CFLAR: variants seen among roughly 807,000 people sequenced by gnomAD.
The protein encoded by CFLAR is CASP8 and FADD like apoptosis regulator.
In CFLAR, 14 loss-of-function variants were observed where a neutral mutation model predicts 51.1. The ratio of observed to expected loss-of-function variants is 0.27; its 90% CI spans 0.18 to 0.43. CFLAR has a LOEUF of 0.43. Ranked by LOEUF, CFLAR falls within the 20% of genes least tolerant of loss-of-function variation. CFLAR has a pLI of 1.00. For synonymous variants in CFLAR, 210 were observed against 211.6 expected (o/e 0.99, Z 0.06); for missense variants, 390 against 566.5 (o/e 0.69, Z 3.16).
rs561854022 is a variant in CFLAR at position 201,136,158 on chromosome 2, G to A, written c.523+51G>A. On this transcript the variant is annotated intron_variant, in intron 4 of 9. Transcript: ENST00000309955. Reference sequence around the variant, plus strand: ...CTAGGGGAAGTACTCTGTGCATGGGGGTGGGCATCATGACTGATAAATATT... The same window carrying A: ...CTAGGGGAAGTACTCTGTGCATGGGAGTGGGCATCATGACTGATAAATATT... The A allele has an allele frequency of 8.5e-5, 137 of 1,612,706 alleles. 1 individual carries two copies. In the South Asian group the frequency reaches 1.4e-3, roughly 16 times the overall value.
At chr2:201,159,384 A>T (rs188199038) in intron 8 of CFLAR, among the ~76,000 whole-genome samples, 6 of 151,978 alleles carry the variant, frequency 3.9e-5, no homozygotes, top group Admixed American at 3.3e-4. Flanking sequence ...ATGTTGGCTC[A>T]CTGCAACCTC....
chr2:201,135,875 C>T, intron 3 of CFLAR, 97 bp from the exon 4 acceptor site: 2 of 1,509,242 alleles, frequency 1.3e-6, no homozygotes, highest in East Asian at 4.5e-5. Context: ...AGTCTTCCTG[C>T]CTCAGCCTCC....
chr2:201,158,462 C>A (rs1243299158), intron 8 of CFLAR, among the ~76,000 whole-genome samples: 8 of 152,206 alleles, frequency 5.3e-5, no homozygotes. Flanking sequence ...GGGAAGTGAA[C>A]CAATCTTGAG....
At position 201,169,874 on chromosome 2, in the gene CFLAR, T is replaced by A. The variant is rs915769392; in HGVS notation, c.*5901T>A. 6.6e-6 allele frequency: 1 copy of A among 152,110 alleles called. No individual in the cohort carries two copies. Among genetic ancestry groups the A allele is most frequent in the Non-Finnish European group, 1.5e-5 (1 of 68,020 alleles). 9.4% of individuals were successfully genotyped at this position (152,110 alleles called of 1,614,324 possible). ...AAAAAAGCTCAACCTTACTGATCAT[T>A]AGAGAAATGCAAAGGAGAACCACAA... On this transcript the variant is annotated 3_prime_UTR_variant, in exon 10 of 10. Transcript: ENST00000309955.
chr2:201,137,582 C>T lies in CFLAR; in HGVS notation c.523+1475C>T, dbSNP rs375297690. ...CACCGTCGATCTGGGCTGACATGGT[C>T]TGCTTCTCAAACTTGAGCTCCCCTG... On this transcript the variant is annotated intron_variant, in intron 4 of 9. Coordinates refer to ENST00000309955, the MANE Select transcript of CFLAR (RefSeq NM_003879.7). The T allele has an allele frequency of 2.0e-4, 150 of 737,632 alleles. No homozygotes were observed. The African/African-American group carries it at 2.3e-3, about 11-fold the overall frequency. The allele number at this position is 737,632 out of a possible 1,614,324, so 45.7% of individuals were successfully genotyped here.
intron 8 of CFLAR, chr2:201,154,638 C>G (rs967610391): frequency 1.3e-5 from 2 of 152,234 alleles, no homozygotes; most frequent in African/African-American, 2.4e-5. Context: ...AAGGAATAAG[C>G]TCTCCCAGTG....
Position 201,138,840 on chromosome 2 carries a change from A to G in CFLAR, c.524-1517A>G. On this transcript the variant is annotated intron_variant, in intron 4 of 9. Coordinates refer to ENST00000309955, the MANE Select transcript of CFLAR (RefSeq NM_003879.7). This position sits in a 1 kb window ranked among gnomAD's most constrained non-coding sequence, Gnocchi z 4.0. ...CACGATGGCCAGGTCGGCCTCTGTC[A>G]CAGTGTCCATGGGGGAGGAGATCAG... 1.4e-6 allele frequency: 1 copy of G among 736,086 alleles called. No homozygotes were observed. The allele number at this position is 736,086 out of a possible 1,614,324, so 45.6% of individuals were successfully genotyped here. A position where few individuals can be genotyped will look rare whatever the true frequency, so the allele number is the denominator to read the frequency against.
rs1942847424 is a variant in CFLAR at position 201,160,287 on chromosome 2, C to G, written c.794-145C>G. 1.5e-5 allele frequency: 13 copies of G among 857,462 alleles called. No homozygotes were observed. The South Asian group carries it at 1.8e-4, about 12-fold the overall frequency. 53.1% of individuals were successfully genotyped at this position (857,462 alleles called of 1,614,324 possible). On this transcript the variant is annotated intron_variant, in intron 8 of 9. Transcript: ENST00000309955. ...TTCATGTGGTTCTTGTTCCAACTGC[C>G]CAGGACTCAGGCACATCAAAATATG... is the stretch of plus-strand genomic sequence containing the variant.
At chr2:201,133,005 T>C in intron 2 of CFLAR, 24 bp from the exon 3 acceptor site, 1 of 1,604,550 alleles carries the variant, frequency 6.2e-7, no homozygotes, top group South Asian at 1.1e-5. Flanking sequence ...CTGAATTAAC[T>C]AAATGAACTT....
At position 201,116,863 on chromosome 2, in the gene CFLAR, G is replaced by A. The variant is rs1297365831; in HGVS notation, c.-138+382G>A. ...ACAGCGGTACAAGCTGCACCCCGATGGACCTGAGAGACCGGAAGTAACCCT... is the reference window on the plus strand; with the variant it reads ...ACAGCGGTACAAGCTGCACCCCGATAGACCTGAGAGACCGGAAGTAACCCT... On this transcript the variant is annotated intron_variant, in intron 1 of 9. Transcript: ENST00000309955. The surrounding 1 kb of genome is among the most constrained non-coding windows in gnomAD (Gnocchi z 4.8). 6.6e-6 allele frequency: 1 copy of A among 152,284 alleles called. No individual in the cohort carries two copies. The highest frequency in any genetic ancestry group is 1.5e-5 in the Non-Finnish European group (1 of 68,088). The allele number at this position is 152,284 out of a possible 1,614,324, so 9.4% of individuals were successfully genotyped here.
At chr2:201,136,337 A>C (rs2050115731) in intron 4 of CFLAR, 1 of 1,598,604 alleles carries the variant, frequency 6.3e-7, no homozygotes, top group Non-Finnish European at 8.5e-7. Context: ...GCTGCCAAGC[A>C]GTTCTTAACA....
intron 1 of CFLAR, among the ~76,000 whole-genome samples, chr2:201,119,814 A>G (rs567960065): frequency 6.6e-6 from 1 of 151,728 alleles, no homozygotes; most frequent in African/African-American, 2.4e-5. Context: ...CATTCCGTAG[A>G]GATAACCAAA....
intron 9 of CFLAR, among the ~76,000 whole-genome samples, chr2:201,161,420 A>AT (rs551168092): frequency 0.078 from 11,289 of 145,570 alleles, 631 homozygotes; most frequent in African/African-American, 0.16. Flanking sequence ...ATTTTTATTT[A>AT]TTTTTTTTTT....
At position 201,116,711 on chromosome 2, in the gene CFLAR, C is replaced by T. The variant is rs1159163817; in HGVS notation, c.-138+230C>T. The T allele has an allele frequency of 6.6e-6, 1 of 152,364 alleles. No homozygotes were observed. The highest frequency in any genetic ancestry group is 1.5e-5 in the Non-Finnish European group (1 of 68,146). The allele number at this position is 152,364 out of a possible 1,614,324, so 9.4% of individuals were successfully genotyped here. A position where few individuals can be genotyped will look rare whatever the true frequency, so the allele number is the denominator to read the frequency against. ...GAACCTGACTCAGTTTTGTAGGTTC[C>T]TTATCTCGGTTGTTTACCGCGGGCT... On this transcript the variant is annotated intron_variant, in intron 1 of 9. Coordinates refer to ENST00000309955, the MANE Select transcript of CFLAR (RefSeq NM_003879.7). This position sits in a 1 kb window ranked among gnomAD's most constrained non-coding sequence, Gnocchi z 4.8.
intron 1 of CFLAR, chr2:201,122,692 G>C (rs2048306308): frequency 6.6e-6 from 1 of 152,222 alleles, no homozygotes; most frequent in Non-Finnish European, 1.5e-5. Flanking sequence ...GACTTGATTT[G>C]GGGATCAAGA....
rs966295775 is a variant in CFLAR at position 201,149,808 on chromosome 2, A to G, written c.766A>G (p.Ile256Val). The change falls in exon 8 of 10, where the codon ATA (isoleucine) becomes GTA (valine). Residue 256 changes from isoleucine to valine, a missense_variant. By Grantham distance (29) the Ile-to-Val change is conservative. Around this residue, in one of 2 missense-constraint regions of CFLAR, gnomAD observed 287 missense variants for 363.6 expected, o/e 0.79. Coordinates refer to ENST00000309955, the MANE Select transcript of CFLAR (RefSeq NM_003879.7). ...MKSKPLGICLIIDCIGNETEL... is the reference protein window; with the variant it reads ...MKSKPLGICLVIDCIGNETEL... ...GAGCAAGCCCCTAGGAATCTGCCTGATAATCGATTGCATTGGCAATGAGAC... is the reference window on the plus strand; with the variant it reads ...GAGCAAGCCCCTAGGAATCTGCCTGGTAATCGATTGCATTGGCAATGAGAC... 6.2e-7 allele frequency: 1 copy of G among 1,613,846 alleles called. No homozygotes were observed. Among genetic ancestry groups the G allele is most frequent in the Non-Finnish European group, 8.5e-7 (1 of 1,179,702 alleles).
intron 1 of CFLAR, among the ~76,000 whole-genome samples, chr2:201,120,799 G>T (rs1388081598): frequency 6.6e-6 from 1 of 151,760 alleles, no homozygotes; most frequent in Non-Finnish European, 1.5e-5. Context: ...TGTGTTTTTT[G>T]TTTGTTTTTA....
intron 8 of CFLAR, among the ~76,000 whole-genome samples, chr2:201,156,878 GTTTTT>G (rs1942265284): frequency 1.3e-5 from 2 of 152,094 alleles, no homozygotes; most frequent in African/African-American, 4.8e-5. Context: ...CAGCCCCCAA[GTTTTT>G]CTTCCTCTAT....
intron 6 of CFLAR, 190 bp downstream of exon 6, chr2:201,145,622 G>C (rs1046155690): frequency 3.6e-6 from 2 of 555,954 alleles, no homozygotes; most frequent in African/African-American, 3.8e-5. Flanking sequence ...GCTTATCTAA[G>C]TTTGAACACC....
Sources: gnomAD v4.1 joint callset for allele counts (sites outside exome capture counted in the v4.1 genomes callset) on GRCh38, gnomAD v4.1.1 for gene constraint, gnomAD v4.1.1 regional missense constraint, Gnocchi (gnomAD v3.1) non-coding constraint, MANE v1.5 for transcripts, NCBI Gene and HGNC (gene_info 2026-07-23, HGNC 2026-07-21) for gene names.